The following MAML3 variants were observed in gnomAD, a reference collection of about 807,000 sequenced individuals.
MAML3 encodes the protein mastermind like transcriptional coactivator 3.
A neutral mutation model predicts 101.9 loss-of-function variants in MAML3; 27 were observed. That is an observed-to-expected ratio of 0.27 (90% CI 0.20 to 0.37). The LOEUF (loss-of-function observed/expected upper bound fraction) is 0.37. Among genes scored for constraint, MAML3 ranks in the 10% least tolerant of loss-of-function variants. MAML3 has a pLI of 1.00. For missense variants in MAML3, 1,316 were observed against 1,444.9 expected (o/e 0.91, Z 1.45); for synonymous variants, 501 against 555.9 (o/e 0.90, Z 1.39).
intron 2 of MAML3, among the ~76,000 whole-genome samples, chr4:139,760,579 T>A (rs1474482777): frequency 6.6e-6 from 1 of 152,230 alleles, no homozygotes; most frequent in African/African-American, 2.4e-5. Context: ...GAGTTCATTG[T>A]ATACAGAACA....
chr4:140,134,449 C>T (rs1428148210), intron 1 of MAML3: 1 of 451,898 alleles, frequency 2.2e-6, no homozygotes, highest in Admixed American at 2.4e-5. Flanking sequence ...TGCATATCTA[C>T]TTACAGCAGA....
At chr4:140,076,242 C>G (rs918855363) in intron 1 of MAML3, among the ~76,000 whole-genome samples, 2 of 152,040 alleles carry the variant, frequency 1.3e-5, no homozygotes, top group Non-Finnish European at 2.9e-5. Flanking sequence ...ATCCCCCAAC[C>G]AAGGTCTGTG....
intron 1 of MAML3, among the ~76,000 whole-genome samples, chr4:140,102,450 T>A (rs1728270043): frequency 6.6e-6 from 1 of 152,236 alleles, no homozygotes; most frequent in Non-Finnish European, 1.5e-5. Flanking sequence ...GAGGCCTCTA[T>A]CCTTGGCTTG....
chr4:140,105,261 T>G (rs898208970), intron 1 of MAML3, among the ~76,000 whole-genome samples: 3 of 152,218 alleles, frequency 2.0e-5, no homozygotes, highest in Admixed American at 6.5e-5. Flanking sequence ...AAACATCTTA[T>G]TTGTAACTGG....
rs558155017 is a variant in MAML3 at position 139,867,985 on chromosome 4, T to C, written c.2079+21372A>G. 6.7e-4 allele frequency among the ~76,000 whole-genome samples: 102 copies of C among 152,350 alleles called. 3 individuals carry two copies. In the South Asian group the frequency reaches 0.02, roughly 30 times the overall value. Reference sequence around the variant, plus strand: ...TCTTCTGGAATTGAGTTCTCTTCCTTCACATTTCTCTAGAGAGAAGTCCAA... The same window carrying C: ...TCTTCTGGAATTGAGTTCTCTTCCTCCACATTTCTCTAGAGAGAAGTCCAA... On this transcript the variant is annotated intron_variant, in intron 2 of 4. Coordinates refer to ENST00000509479, the MANE Select transcript of MAML3 (RefSeq NM_018717.5).
At position 139,718,429 on chromosome 4, in the gene MAML3, T is replaced by C. The variant is rs1280789551; in HGVS notation, c.*894A>G. ...AGGCAAGGAGGAATAAAGGCAGGGC[T>C]GGAGACAAAGGCTCCAGGCTGGCAG... On this transcript the variant is annotated 3_prime_UTR_variant, in exon 5 of 5. Transcript: ENST00000509479. The C allele has an allele frequency of 2.0e-5, 3 of 152,324 alleles. No individual in the cohort carries two copies. Among genetic ancestry groups the C allele is most frequent in the Non-Finnish European group, 4.4e-5 (3 of 68,122 alleles). The allele number at this position is 152,324 out of a possible 1,614,324, so 9.4% of individuals were successfully genotyped here.
chr4:140,102,304 A>G (rs1305901453), intron 1 of MAML3, among the ~76,000 whole-genome samples: 1 of 152,176 alleles, frequency 6.6e-6, no homozygotes, highest in East Asian at 1.9e-4. Context: ...TTTTTCTCCT[A>G]TATTTGTATT....
intron 2 of MAML3, among the ~76,000 whole-genome samples, chr4:139,885,475 A>G (rs1422577060): frequency 8.5e-5 from 13 of 152,122 alleles, no homozygotes; most frequent in Admixed American, 8.5e-4. Flanking sequence ...ATCATTACAT[A>G]TTCTATGCCT....
At chr4:140,022,191 A>T (rs1726743692) in intron 1 of MAML3, among the ~76,000 whole-genome samples, 1 of 152,208 alleles carries the variant, frequency 6.6e-6, no homozygotes, top group African/African-American at 2.4e-5. Context: ...TGTGAAACCA[A>T]ATTGCTTCCC....
intron 1 of MAML3, among the ~76,000 whole-genome samples, chr4:140,048,632 G>A (rs927128104): frequency 1.3e-5 from 2 of 152,182 alleles, no homozygotes; most frequent in Non-Finnish European, 2.9e-5. Context: ...CAGGAGAAAG[G>A]TCATTTCCTC....
intron 2 of MAML3, among the ~76,000 whole-genome samples, chr4:139,831,654 G>T (rs371131555): frequency 6.6e-6 from 1 of 152,228 alleles, no homozygotes; most frequent in South Asian, 2.1e-4. Flanking sequence ...CCTTAGACCC[G>T]AGCATGGGAT....
chr4:140,107,502 A>G (rs1434525534), intron 1 of MAML3, among the ~76,000 whole-genome samples: 2 of 144,806 alleles, frequency 1.4e-5, no homozygotes, highest in Non-Finnish European at 3.1e-5. Context: ...TAGATGAAAA[A>G]AATGCTTTTT....
intron 2 of MAML3, among the ~76,000 whole-genome samples, chr4:139,816,595 C>T (rs2111117935): frequency 6.6e-6 from 1 of 152,170 alleles, no homozygotes; most frequent in Middle Eastern, 3.4e-3. Flanking sequence ...ATGCAAGGGC[C>T]CCCACGGCTC....
chr4:140,108,601 C>A (rs1168001607), intron 1 of MAML3, among the ~76,000 whole-genome samples: 1 of 148,632 alleles, frequency 6.7e-6, no homozygotes, highest in African/African-American at 2.5e-5. Context: ...AGATGCTCAA[C>A]AAATGTTAGA....
At chr4:140,106,630 G>C (rs1048501750) in intron 1 of MAML3, among the ~76,000 whole-genome samples, 7 of 152,218 alleles carry the variant, frequency 4.6e-5, no homozygotes, top group African/African-American at 1.2e-4. Context: ...GCAGCATGGA[G>C]ACTGCTACAC....
At position 139,716,882 on chromosome 4, in the gene MAML3, T is replaced by TAA. The variant is rs1275929793; in HGVS notation, c.*2439_*2440dup. 6.6e-6 allele frequency: 1 copy of TAA among 152,578 alleles called. No individual in the cohort carries two copies. Among genetic ancestry groups the TAA allele is most frequent in the Non-Finnish European group, 1.5e-5 (1 of 68,024 alleles). The allele number at this position is 152,578 out of a possible 1,614,324, so 9.5% of individuals were successfully genotyped here. A position where few individuals can be genotyped will look rare whatever the true frequency, so the allele number is the denominator to read the frequency against. ...AATAAGCAATGCTCAATGTACAAAGTAAAAACAGAAAACTAGAAAAATCTG... is the reference window on the plus strand; with the variant it reads ...AATAAGCAATGCTCAATGTACAAAGTAAAAAAACAGAAAACTAGAAAAATCTG... On this transcript the variant is annotated 3_prime_UTR_variant, in exon 5 of 5. Transcript: ENST00000509479.
chr4:140,054,527 A>G (rs913611632), intron 1 of MAML3, among the ~76,000 whole-genome samples: 1 of 152,118 alleles, frequency 6.6e-6, no homozygotes, highest in Admixed American at 6.5e-5. Context: ...TGGTCTCTTC[A>G]TTATCTGCCT....
At chr4:139,801,639 TGTGG>T (rs1403615601) in intron 2 of MAML3, among the ~76,000 whole-genome samples, 92 of 9,708 alleles carry the variant, frequency 9.5e-3, no homozygotes, top group Non-Finnish European at 0.011. Flanking sequence ...ACAGGGTGTG[TGTGG>T]GTGTGTGTGT....
chr4:139,923,743 G>A (rs2111237012), intron 1 of MAML3, among the ~76,000 whole-genome samples: 1 of 152,176 alleles, frequency 6.6e-6, no homozygotes, highest in South Asian at 2.1e-4. Flanking sequence ...TTTATTAGAA[G>A]GTAGATAATT....
Sources: gnomAD v4.1 joint callset for allele counts (sites outside exome capture counted in the v4.1 genomes callset) on GRCh38, gnomAD v4.1.1 for gene constraint, MANE v1.5 for transcripts, NCBI Gene and HGNC (gene_info 2026-07-23, HGNC 2026-07-21) for gene names.